Variants in SMARCAD1 observed in about 807,000 individuals in gnomAD.
SMARCAD1 encodes the protein SNF2 related chromatin remodeling ATPase with DExD box 1, also known as SWI/SNF-related matrix-associated actin-dependent regulator of chromatin subfamily A containing DEAD/H box 1.
SMARCAD1 carries 25 observed loss-of-function variants against 127.1 expected under a neutral mutation model. That is an observed-to-expected ratio of 0.20 (90% CI 0.14 to 0.27). The LOEUF (loss-of-function observed/expected upper bound fraction) is 0.27, where lower values mean the gene tolerates loss of function less well. Among genes scored for constraint, SMARCAD1 ranks in the 10% least tolerant of loss-of-function variants. SMARCAD1 has a pLI of 1.00. For missense variants in SMARCAD1, 807 were observed against 1,206.0 expected, an observed-to-expected ratio of 0.67 and a Z score of 4.90; for synonymous variants, 400 against 396.9, an observed-to-expected ratio of 1.01 and a Z score of -0.09.
intron 19 of SMARCAD1, among the ~76,000 whole-genome samples, chr4:94,279,963 C>G (rs1753797485): frequency 6.6e-6 from 1 of 152,040 alleles, no homozygotes; most frequent in Non-Finnish European, 1.5e-5. Context: ...CTCCCAGGTT[C>G]AAGTGATTGT....
In SMARCAD1 at chr4:94,236,936, T is replaced by C. The variant is rs1746754009; in HGVS notation, c.538-16T>C. 6.2e-7 allele frequency: 1 copy of C among 1,605,182 alleles called. No individual in the cohort carries two copies. Among genetic ancestry groups the C allele is most frequent in the African/African-American group, 1.3e-5 (1 of 74,848 alleles). On this transcript the variant is annotated splice_polypyrimidine_tract_variant and intron_variant, in intron 4 of 23. Coordinates refer to ENST00000354268, the MANE Select transcript of SMARCAD1 (RefSeq NM_020159.5). Reference sequence around the variant, plus strand: ...AAGTGCTGATTTAAAACATTAATCTTTTCTCGTTCTGTTAGTTGATTGAAT... The same window carrying C: ...AAGTGCTGATTTAAAACATTAATCTCTTCTCGTTCTGTTAGTTGATTGAAT...
At chr4:94,247,876 A>G (rs1748689136) in intron 6 of SMARCAD1, among the ~76,000 whole-genome samples, 1 of 152,084 alleles carries the variant, frequency 6.6e-6, no homozygotes, top group African/African-American at 2.4e-5. Flanking sequence ...ATTGGGGTAC[A>G]TGTGCAAGTT....
intron 2 of SMARCAD1, among the ~76,000 whole-genome samples, chr4:94,212,808 A>G (rs965051594): frequency 6.6e-6 from 1 of 152,142 alleles, no homozygotes; most frequent in Non-Finnish European, 1.5e-5. Context: ...ACCTTAAAAT[A>G]GTCCCTTTAG....
intron 5 of SMARCAD1, among the ~76,000 whole-genome samples, chr4:94,237,969 A>G (rs532271154): frequency 1.3e-5 from 2 of 152,274 alleles, no homozygotes; most frequent in Non-Finnish European, 2.9e-5. Context: ...ATGCCAGTTT[A>G]TGCTTTTATC....
intron 23 of SMARCAD1, among the ~76,000 whole-genome samples, chr4:94,287,536 G>A (rs1475595273): frequency 1.3e-5 from 2 of 152,134 alleles, no homozygotes; most frequent in Admixed American, 1.3e-4. Context: ...ACCAGCAGCA[G>A]GAGCAGCATC....
chr4:94,267,926 C>T (rs748564652), intron 10 of SMARCAD1, among the ~76,000 whole-genome samples: 2 of 151,892 alleles, frequency 1.3e-5, no homozygotes, highest in Non-Finnish European at 2.9e-5. Flanking sequence ...ATATTAGAAC[C>T]AACTAGAAAA....
intron 3 of SMARCAD1, among the ~76,000 whole-genome samples, chr4:94,228,088 C>T (rs1745292897): frequency 6.6e-6 from 1 of 152,142 alleles, no homozygotes; most frequent in South Asian, 2.1e-4. Flanking sequence ...ATCGGACTGT[C>T]TACTTCTGAT....
intron 2 of SMARCAD1, among the ~76,000 whole-genome samples, chr4:94,214,624 G>A (rs1742859691): frequency 6.6e-6 from 1 of 152,068 alleles, no homozygotes; most frequent in African/African-American, 2.4e-5. Flanking sequence ...AGGGAGGGAG[G>A]TATCTGAAGA....
intron 11 of SMARCAD1, among the ~76,000 whole-genome samples, chr4:94,273,350 A>T (rs1030193455): frequency 6.6e-6 from 1 of 152,220 alleles, no homozygotes; most frequent in African/African-American, 2.4e-5. Flanking sequence ...ATGCAATGCA[A>T]AAAGTCTTCC....
chr4:94,276,039 C>T lies in SMARCAD1; in HGVS notation c.1809-300C>T, dbSNP rs530196486. The stretch of plus-strand genomic sequence containing the variant: ...GTCTCGATCTTCTGACCTCGTGATC[C>T]GCCCGCCTCGGCCTCCAAAAGTGCT... On this transcript the variant is annotated intron_variant, in intron 14 of 23. Transcript: ENST00000354268. Among the ~76,000 whole-genome samples, 113 of 152,108 alleles carry T rather than the reference C, an allele frequency of 7.4e-4. 1 individual carries two copies. In the South Asian group the frequency reaches 0.022, roughly 30 times the overall value.
intron 3 of SMARCAD1, among the ~76,000 whole-genome samples, chr4:94,226,677 T>C (rs1213245760): frequency 6.6e-6 from 1 of 152,066 alleles, no homozygotes; most frequent in Non-Finnish European, 1.5e-5. Flanking sequence ...TTGGAAACAG[T>C]CTGAGCTAGG....
intron 2 of SMARCAD1, among the ~76,000 whole-genome samples, chr4:94,217,055 G>A (rs1423203727): frequency 6.6e-6 from 1 of 152,122 alleles, no homozygotes; most frequent in African/African-American, 2.4e-5. Context: ...CAACAGTGTG[G>A]TGGGTTCCAG....
intron 21 of SMARCAD1, among the ~76,000 whole-genome samples, chr4:94,282,388 G>A (rs906873971): frequency 2.0e-5 from 3 of 151,690 alleles, no homozygotes; most frequent in Non-Finnish European, 4.4e-5. Context: ...GAGCCACCGC[G>A]CCCGGCGCAA....
intron 4 of SMARCAD1, 34 bp downstream of exon 4, chr4:94,234,156 G>A: frequency 2.6e-6 from 4 of 1,548,474 alleles, no homozygotes; most frequent in East Asian, 2.4e-5. Context: ...CTGTAATGAT[G>A]ATAAAATCTC....
chr4:94,236,942 G>T lies in SMARCAD1; in HGVS notation c.538-10G>T. 1.2e-6 allele frequency: 2 copies of T among 1,608,976 alleles called. No individual in the cohort carries two copies. Among genetic ancestry groups the T allele is most frequent in the Non-Finnish European group, 1.7e-6 (2 of 1,176,046 alleles). On this transcript the variant is annotated splice_polypyrimidine_tract_variant and intron_variant, in intron 4 of 23. Coordinates refer to ENST00000354268, the MANE Select transcript of SMARCAD1 (RefSeq NM_020159.5). ...TGATTTAAAACATTAATCTTTTCTC[G>T]TTCTGTTAGTTGATTGAATCAACAA...
intron 3 of SMARCAD1, among the ~76,000 whole-genome samples, chr4:94,232,732 C>T (rs544440336): frequency 4.6e-5 from 7 of 152,234 alleles, no homozygotes; most frequent in African/African-American, 7.2e-5. Context: ...GCGGGCGGAT[C>T]GCTTGAGCCT....
At chr4:94,274,047 A>G (rs1752919428) in intron 12 of SMARCAD1, among the ~76,000 whole-genome samples, 2 of 152,182 alleles carry the variant, frequency 1.3e-5, no homozygotes, top group Non-Finnish European at 2.9e-5. Context: ...ACAGATACGT[A>G]ATTAATTCCT....
intron 16 of SMARCAD1, 131 bp from the exon 17 acceptor site, chr4:94,278,291 A>G (rs1753577572): frequency 1.3e-6 from 1 of 789,830 alleles, no homozygotes; most frequent in East Asian, 2.7e-5. Context: ...AGTGCCATCT[A>G]GAATGAATCA....
chr4:94,207,948 G>A lies in SMARCAD1; in HGVS notation c.-172G>A, dbSNP rs1299036126. On this transcript the variant is annotated 5_prime_UTR_variant, in exon 1 of 24. Transcript: ENST00000354268. ...CCCTTTGTGTCCCCGCAGTGTCGAGGCGCGGGCCCTGGCAGGTCCTTTCTC... is the reference window on the plus strand; with the variant it reads ...CCCTTTGTGTCCCCGCAGTGTCGAGACGCGGGCCCTGGCAGGTCCTTTCTC... The A allele has an allele frequency of 2.8e-6, 1 of 356,970 alleles. No individual in the cohort carries two copies. The highest frequency in any genetic ancestry group is 5.5e-6 in the Non-Finnish European group (1 of 181,550). The allele number at this position is 356,970 out of a possible 1,614,324, so 22.1% of individuals were successfully genotyped here. A position where few individuals can be genotyped will look rare whatever the true frequency, so the allele number is the denominator to read the frequency against.
Sources: allele counts gnomAD v4.1 joint callset (sites outside exome capture counted in the v4.1 genomes callset), GRCh38; gene constraint gnomAD v4.1.1; transcripts MANE v1.5; gene names NCBI Gene and HGNC (gene_info 2026-07-23, HGNC 2026-07-21).